FAM216A: variants seen among roughly 807,000 people sequenced by gnomAD.
FAM216A encodes family with sequence similarity 216 member A.
In FAM216A, 26 loss-of-function variants were observed where a neutral mutation model predicts 37.6. The ratio of observed to expected loss-of-function variants is 0.69; its 90% confidence interval spans 0.51 to 0.96. The LOEUF is 0.96. FAM216A is among the 40% of genes least tolerant of loss of function. The pLI, the probability that FAM216A is intolerant of heterozygous loss-of-function variation, is 0.00. For missense variants in FAM216A, 326 were observed against 339.3 expected, an observed-to-expected ratio of 0.96 and a Z score of 0.31; for synonymous variants, 110 against 121.7, an observed-to-expected ratio of 0.90 and a Z score of 0.64.
At chr12:110,472,194 G>C (rs1354582465) in intron 1 of FAM216A, among the ~76,000 whole-genome samples, 1 of 151,252 alleles carries the variant, frequency 6.6e-6, no homozygotes, top group Non-Finnish European at 1.5e-5. Flanking sequence ...TCACGCCATT[G>C]CACTCCAGCC....
chr12:110,489,810 A>C (rs966625093), intron 6 of FAM216A, among the ~76,000 whole-genome samples: 1 of 152,170 alleles, frequency 6.6e-6, no homozygotes, highest in Non-Finnish European at 1.5e-5. Context: ...TAACAAGAGA[A>C]TTTGCTGTAC....
At chr12:110,472,206 G>A (rs1287890300) in intron 1 of FAM216A, among the ~76,000 whole-genome samples, 2 of 151,340 alleles carry the variant, frequency 1.3e-5, no homozygotes, top group African/African-American at 4.9e-5. Flanking sequence ...ACTCCAGCCT[G>A]GGCAACAGAG....
At chr12:110,470,689 G>A (rs2062681492) in intron 1 of FAM216A, among the ~76,000 whole-genome samples, 1 of 151,862 alleles carries the variant, frequency 6.6e-6, no homozygotes, top group African/African-American at 2.4e-5. Context: ...CTGTAATCCT[G>A]GAAGGTTCTA....
chr12:110,483,887 C>A (rs1057161543), intron 2 of FAM216A, among the ~76,000 whole-genome samples: 1 of 152,048 alleles, frequency 6.6e-6, no homozygotes, highest in African/African-American at 2.4e-5. Flanking sequence ...TGATAAATTT[C>A]TGCAGTCTTT....
At chr12:110,484,290 G>T (rs2062763743) in intron 2 of FAM216A, among the ~76,000 whole-genome samples, 1 of 151,468 alleles carries the variant, frequency 6.6e-6, no homozygotes, top group African/African-American at 2.4e-5. Context: ...AGCCGGGCAT[G>T]GTGGCAGGTG....
intron 2 of FAM216A, among the ~76,000 whole-genome samples, chr12:110,475,326 C>T (rs1005816205): frequency 1.3e-5 from 2 of 152,162 alleles, no homozygotes; most frequent in African/African-American, 2.4e-5. Flanking sequence ...ATTGCAACCT[C>T]GGTCTCCCAG....
chr12:110,479,089 T>C (rs1448618803), intron 2 of FAM216A, among the ~76,000 whole-genome samples: 2 of 150,416 alleles, frequency 1.3e-5, no homozygotes, highest in African/African-American at 4.9e-5. Flanking sequence ...CTCGGGAGGC[T>C]GAGGCAGGAG....
At chr12:110,479,543 AAAG>A (rs1399098175) in intron 2 of FAM216A, among the ~76,000 whole-genome samples, 5 of 151,798 alleles carry the variant, frequency 3.3e-5, no homozygotes, top group East Asian at 1.9e-4. Context: ...AAAAAAAAAA[AAAG>A]AAGCCTAGTA....
intron 2 of FAM216A, among the ~76,000 whole-genome samples, chr12:110,478,395 AAT>A (rs1226783293): frequency 6.6e-6 from 1 of 152,130 alleles, no homozygotes; most frequent in East Asian, 1.9e-4. Context: ...CTAACCTGTA[AAT>A]ATGTTATGTT....
rs372030590 is a variant in FAM216A, at chr12:110,487,946, A to T, written c.703+3A>T. On this transcript the variant is annotated splice_donor_region_variant and intron_variant, in intron 6 of 6. Coordinates refer to ENST00000377673, the MANE Select transcript of FAM216A (RefSeq NM_013300.3). ...AAGGAAACTGTTCATGCAAACAGGT[A>T]AATGTGGAAATTTAACAATATTCAT... 1 of 1,545,464 alleles carries T rather than the reference A, an allele frequency of 6.5e-7. No homozygotes were observed. Among genetic ancestry groups the T allele is most frequent in the East Asian group, 2.2e-5 (1 of 44,524 alleles).
At position 110,485,290 on chromosome 12, in the gene FAM216A, A is replaced by G. The variant is rs76211437; in HGVS notation, c.306+91A>G. On this transcript the variant is annotated intron_variant, in intron 3 of 6. Coordinates refer to ENST00000377673, the MANE Select transcript of FAM216A (RefSeq NM_013300.3). ...AGATCAGCTGCTTAGAGGGTGAGAT[A>G]CTGCAGATGACAAGGCATATGCAGT... 1.6e-3 allele frequency: 1,787 copies of G among 1,130,558 alleles called. 23 individuals are homozygous for G. In the African/African-American group the frequency reaches 0.022, roughly 14 times the overall value. 70.0% of individuals were successfully genotyped at this position (1,130,558 alleles called of 1,614,324 possible).
intron 2 of FAM216A, among the ~76,000 whole-genome samples, chr12:110,481,277 G>A (rs184128205): frequency 2.3e-4 from 35 of 152,288 alleles, no homozygotes; most frequent in Middle Eastern, 3.4e-3. Flanking sequence ...TTTTGGAATT[G>A]CTGGATCAGA....
chr12:110,488,210 G>A (rs1311169035), intron 6 of FAM216A, among the ~76,000 whole-genome samples: 1 of 152,028 alleles, frequency 6.6e-6, no homozygotes, highest in Non-Finnish European at 1.5e-5. Flanking sequence ...AAGAGTTCGA[G>A]ACCCGCCTGG....
rs773615954 is a variant in FAM216A at position 110,485,163 on chromosome 12, CCT to C, written c.275_276del (p.Ser92Ter). 1.9e-6 allele frequency: 3 copies of C among 1,613,008 alleles called. No individual in the cohort carries two copies. Among genetic ancestry groups the C allele is most frequent in the South Asian group, 2.2e-5 (2 of 90,872 alleles). On this transcript the variant is annotated frameshift_variant, in exon 3 of 7. Coordinates refer to ENST00000377673, the MANE Select transcript of FAM216A (RefSeq NM_013300.3). LOFTEE classifies it high-confidence loss of function. ...WKTPQNQTIHLSKSMMEASFF... is the reference protein window; with the variant it reads ...WKTPQNQTIHXSKSMMEASFF... ...AAACTCCCCAAAATCAAACAATCCA[CCT>C]CTCTAAATCAATGATGGAGGCGTCC...
At chr12:110,470,454 G>A (rs2135538715) in intron 1 of FAM216A, among the ~76,000 whole-genome samples, 1 of 150,166 alleles carries the variant, frequency 6.7e-6, no homozygotes, top group South Asian at 2.1e-4. Flanking sequence ...GCAGGATCCT[G>A]GTGTATCAGG....
At chr12:110,476,345 G>A (rs1274509692) in intron 2 of FAM216A, among the ~76,000 whole-genome samples, 5 of 151,318 alleles carry the variant, frequency 3.3e-5, no homozygotes, top group African/African-American at 1.2e-4. Context: ...GACTACAGTC[G>A]CCCACCACCA....
In FAM216A at chr12:110,479,881, C is replaced by A. The variant is rs577552327; in HGVS notation, c.185-5197C>A. On this transcript the variant is annotated intron_variant, in intron 2 of 6. Transcript: ENST00000377673. ...CAAAAAACAAAACAACAAAAAAAAG[C>A]CTAGTAGTTAATTAGAGATCAGTAT... Among the ~76,000 whole-genome samples, 5 of 151,696 alleles carry A rather than the reference C, an allele frequency of 3.3e-5. No individual in the cohort carries two copies. In the South Asian group the frequency reaches 1.0e-3, roughly 32 times the overall value.
intron 2 of FAM216A, among the ~76,000 whole-genome samples, chr12:110,477,655 C>G (rs1330441092): frequency 6.6e-6 from 1 of 151,794 alleles, no homozygotes; most frequent in Non-Finnish European, 1.5e-5. Flanking sequence ...CGCGCCCAGT[C>G]TTGTCATCCA....
At chr12:110,472,480 G>T (rs1200919914) in intron 1 of FAM216A, among the ~76,000 whole-genome samples, 1 of 151,920 alleles carries the variant, frequency 6.6e-6, no homozygotes, top group Non-Finnish European at 1.5e-5. Flanking sequence ...GATCGTTTGA[G>T]CCCAGGATTT....
Sources: gnomAD v4.1 joint callset for allele counts (sites outside exome capture counted in the v4.1 genomes callset) on GRCh38, gnomAD v4.1.1 for gene constraint, MANE v1.5 for transcripts, NCBI Gene and HGNC (gene_info 2026-07-23, HGNC 2026-07-21) for gene names.